GRIK4: variants seen among roughly 807,000 people sequenced by gnomAD.
The protein encoded by GRIK4 is glutamate ionotropic receptor kainate type subunit 4.
GRIK4 carries 40 observed loss-of-function variants against 104.9 expected under a neutral mutation model. The observed-to-expected ratio is 0.38, with a 90% CI of 0.30 to 0.50. The LOEUF is 0.50. Ranked by LOEUF, GRIK4 falls within the 20% of genes least tolerant of loss-of-function variation. The pLI is 0.93. For synonymous variants in GRIK4, 485 were observed against 524.9 expected (o/e 0.92, Z 1.04); for missense variants, 1,047 against 1,308.1 (o/e 0.80, Z 3.08).
intron 3 of GRIK4, among the ~76,000 whole-genome samples, chr11:120,706,915 A>G (rs1950641352): frequency 6.6e-6 from 1 of 152,150 alleles, no homozygotes; most frequent in African/African-American, 2.4e-5. Context: ...ACGGACTGAC[A>G]GTGCTGACAG....
chr11:120,707,574 T>A (rs1347894547), intron 3 of GRIK4, among the ~76,000 whole-genome samples: 1 of 152,248 alleles, frequency 6.6e-6, no homozygotes, highest in Non-Finnish European at 1.5e-5. Context: ...TATTACTCTA[T>A]AACAAATCAT....
At chr11:120,677,131 G>A (rs1418214796) in intron 3 of GRIK4, among the ~76,000 whole-genome samples, 1 of 152,166 alleles carries the variant, frequency 6.6e-6, no homozygotes, top group Non-Finnish European at 1.5e-5. Context: ...CTGAGATTAT[G>A]CCACCAGGGA....
chr11:120,755,014 C>A (rs559328388), intron 3 of GRIK4, among the ~76,000 whole-genome samples: 25 of 152,332 alleles, frequency 1.6e-4, no homozygotes, highest in Middle Eastern at 6.8e-3. Flanking sequence ...AGGAACACAT[C>A]TGAATCCGAA....
chr11:120,832,559 C>T (rs1036448460), intron 7 of GRIK4, among the ~76,000 whole-genome samples: 1 of 152,144 alleles, frequency 6.6e-6, no homozygotes, highest in African/African-American at 2.4e-5. Flanking sequence ...TGTCTTCCCT[C>T]ACAGAAGAGG....
At chr11:120,700,656 A>G (rs1465947981) in intron 3 of GRIK4, among the ~76,000 whole-genome samples, 1 of 152,072 alleles carries the variant, frequency 6.6e-6, no homozygotes, top group East Asian at 1.9e-4. Flanking sequence ...ACGGGGTTTC[A>G]CCATGTTAGC....
intron 3 of GRIK4, among the ~76,000 whole-genome samples, chr11:120,688,294 G>A (rs1257780866): frequency 6.6e-6 from 1 of 152,170 alleles, no homozygotes; most frequent in Non-Finnish European, 1.5e-5. Flanking sequence ...TGGAAGCATT[G>A]ATTGGCCACA....
intron 3 of GRIK4, among the ~76,000 whole-genome samples, chr11:120,695,565 A>G (rs1462309042): frequency 6.6e-6 from 1 of 152,136 alleles, no homozygotes; most frequent in Non-Finnish European, 1.5e-5. Context: ...TTTATGCAGA[A>G]GAAGAAGAAG....
chr11:120,616,142 G>A (rs1413458211), intron 1 of GRIK4, among the ~76,000 whole-genome samples: 1 of 152,172 alleles, frequency 6.6e-6, no homozygotes, highest in African/African-American at 2.4e-5. Flanking sequence ...ATCTTTGTTG[G>A]GGTGGGGATG....
At chr11:120,913,478 T>C (rs1210800714) in intron 13 of GRIK4, among the ~76,000 whole-genome samples, 1 of 151,566 alleles carries the variant, frequency 6.6e-6, no homozygotes, top group Non-Finnish European at 1.5e-5. Context: ...CAGCTGCATT[T>C]TCCATCCTCA....
chr11:120,893,327 G>T lies in GRIK4; in HGVS notation c.1165-5205G>T, dbSNP rs144639498. 3.0e-4 allele frequency among the ~76,000 whole-genome samples: 46 copies of T among 152,266 alleles called. No individual in the cohort carries two copies. In the East Asian group the frequency reaches 8.5e-3, roughly 28 times the overall value. On this transcript the variant is annotated intron_variant, in intron 11 of 20. Coordinates refer to ENST00000527524, the MANE Select transcript of GRIK4 (RefSeq NM_014619.5). ...GTACGTGCAAACACATCCCATATCG[G>T]TTATATTTACCTAAATTTTAATATT... is the stretch of plus-strand genomic sequence containing the variant.
intron 8 of GRIK4, among the ~76,000 whole-genome samples, chr11:120,841,776 G>T (rs1250573620): frequency 6.6e-6 from 1 of 152,106 alleles, no homozygotes; most frequent in Non-Finnish European, 1.5e-5. Context: ...GACAATACTT[G>T]CTATTTTTCA....
At chr11:120,858,643 T>C (rs1954179947) in intron 8 of GRIK4, 1 of 152,230 alleles carries the variant, frequency 6.6e-6, no homozygotes, top group Non-Finnish European at 1.5e-5. Context: ...TATCTGAGCA[T>C]GGAACCTTGT....
At chr11:120,816,379 G>A (rs1289860060) in intron 5 of GRIK4, among the ~76,000 whole-genome samples, 4 of 152,084 alleles carry the variant, frequency 2.6e-5, no homozygotes, top group Non-Finnish European at 5.9e-5. Flanking sequence ...GGAGCTTGGT[G>A]GTCAGGCATG....
intron 3 of GRIK4, among the ~76,000 whole-genome samples, chr11:120,696,325 C>G (rs1950448444): frequency 6.6e-6 from 1 of 152,088 alleles, no homozygotes; most frequent in African/African-American, 2.4e-5. Flanking sequence ...CTTACGCTAT[C>G]CACAGAGTCC....
intron 1 of GRIK4, among the ~76,000 whole-genome samples, chr11:120,595,845 A>G (rs1227497960): frequency 6.6e-6 from 1 of 151,936 alleles, no homozygotes; most frequent in Non-Finnish European, 1.5e-5. Context: ...TTGCTTTTGT[A>G]TTTATTATTT....
intron 1 of GRIK4, among the ~76,000 whole-genome samples, chr11:120,638,438 T>TCTGC (rs1239167894): frequency 6.6e-6 from 1 of 152,024 alleles, no homozygotes; most frequent in Non-Finnish European, 1.5e-5. Flanking sequence ...TCCATGATGT[T>TCTGC]TATCCTCATG....
rs1156511382 is a variant in GRIK4, at chr11:120,944,121, TC to T, written c.1590+3663del. Among the ~76,000 whole-genome samples the T allele has an allele frequency of 5.9e-5, 9 of 152,244 alleles. No homozygotes were observed. The East Asian group carries it at 1.7e-3, about 29-fold the overall frequency. ...TTTGGCATTCGTTACTGTTTTTCCATCCTGCTTTTTAAAAGTCACTCTCTCT... is the reference window on the plus strand; with the variant it reads ...TTTGGCATTCGTTACTGTTTTTCCATCTGCTTTTTAAAAGTCACTCTCTCT... On this transcript the variant is annotated intron_variant, in intron 14 of 20. Coordinates refer to ENST00000527524, the MANE Select transcript of GRIK4 (RefSeq NM_014619.5).
intron 3 of GRIK4, among the ~76,000 whole-genome samples, chr11:120,752,102 G>C (rs373244751): frequency 3.9e-5 from 6 of 152,098 alleles, no homozygotes; most frequent in Non-Finnish European, 5.9e-5. Context: ...GAAGGGTCTC[G>C]TGCATCCTCC....
intron 1 of GRIK4, among the ~76,000 whole-genome samples, chr11:120,600,928 C>A (rs185123374): frequency 5.5e-4 from 83 of 151,596 alleles, no homozygotes; most frequent in Admixed American, 4.6e-3. Flanking sequence ...TGGTGGCATG[C>A]GCCTGTAGTT....
Sources: allele counts gnomAD v4.1 joint callset (sites outside exome capture counted in the v4.1 genomes callset), GRCh38; gene constraint gnomAD v4.1.1; transcripts MANE v1.5; gene names NCBI Gene and HGNC (gene_info 2026-07-23, HGNC 2026-07-21).